Variants in PTPRQ observed in about 807,000 individuals in gnomAD.
PTPRQ encodes the protein protein tyrosine phosphatase receptor type Q, also known as phosphatidylinositol phosphatase PTPRQ.
A neutral mutation model predicts 246.0 loss-of-function variants in PTPRQ; 199 were observed. The observed-to-expected ratio is 0.81, with a 90% CI of 0.72 to 0.91. The LOEUF is 0.91. PTPRQ is among the 40% of genes least tolerant of loss of function. The pLI is 0.00. For synonymous variants in PTPRQ, 869 were observed against 853.2 expected (o/e 1.02, Z -0.32); for missense variants, 2,624 against 2,528.4 (o/e 1.04, Z -0.81).
chr12:80,640,024 A>ATG (rs770149840), intron 35 of PTPRQ, among the ~76,000 whole-genome samples: 5 of 134,180 alleles, frequency 3.7e-5, no homozygotes, highest in Non-Finnish European at 6.3e-5. Flanking sequence ...ATGAAGATAC[A>ATG]CGTGTGTGTG....
intron 43 of PTPRQ, among the ~76,000 whole-genome samples, chr12:80,673,600 T>C (rs532895376): frequency 8.5e-5 from 13 of 152,160 alleles, no homozygotes; most frequent in Middle Eastern, 3.2e-3. Flanking sequence ...TTAGCAACTT[T>C]GGGATATCTG....
At chr12:80,541,978 G>A (rs1896167758) in intron 21 of PTPRQ, 111 bp from the exon 22 acceptor site, 3 of 1,469,504 alleles carry the variant, frequency 2.0e-6, no homozygotes, top group Non-Finnish European at 2.7e-6. Context: ...AATAAACACA[G>A]TGTTTCTTAA....
chr12:80,521,946 C>T (rs536478957), intron 17 of PTPRQ, among the ~76,000 whole-genome samples: 1 of 152,110 alleles, frequency 6.6e-6, no homozygotes, highest in Non-Finnish European at 1.5e-5. Flanking sequence ...CCATAAATTA[C>T]CTTGGGCAGT....
intron 35 of PTPRQ, among the ~76,000 whole-genome samples, chr12:80,635,821 G>T (rs958873102): frequency 1.3e-5 from 2 of 152,052 alleles, no homozygotes; most frequent in Admixed American, 1.3e-4. Context: ...ATTTTTATAA[G>T]ATTCAATAAC....
intron 33 of PTPRQ, among the ~76,000 whole-genome samples, chr12:80,629,417 T>C (rs1899336405): frequency 6.6e-6 from 1 of 152,142 alleles, no homozygotes; most frequent in African/African-American, 2.4e-5. Flanking sequence ...TTAAAGGAAG[T>C]GAAGTGGCTA....
At chr12:80,583,333 G>A (rs1216154939) in intron 25 of PTPRQ, among the ~76,000 whole-genome samples, 1 of 152,120 alleles carries the variant, frequency 6.6e-6, no homozygotes, top group Non-Finnish European at 1.5e-5. Context: ...CTATTTTTGA[G>A]TGATTTTTTT....
rs532428228 is a variant in PTPRQ, at chr12:80,497,700, A to C, written c.2272+1169A>C. ...GTTGTTTATATTGTGTTATAATTAT[A>C]TATTGGTGGCATAACTATTAGGCCA... On this transcript the variant is annotated intron_variant, in intron 14 of 44. Transcript: ENST00000644991. Among the ~76,000 whole-genome samples, 101 of 152,230 alleles carry C rather than the reference A, an allele frequency of 6.6e-4. 2 individuals carry two copies. The highest frequency in any genetic ancestry group is 6.6e-4 in the Non-Finnish European group (45 of 67,982).
chr12:80,577,378 A>C (rs1897303495), intron 25 of PTPRQ, among the ~76,000 whole-genome samples: 1 of 152,090 alleles, frequency 6.6e-6, no homozygotes, highest in Non-Finnish European at 1.5e-5. Context: ...GCCCCTTATA[A>C]AACTATCAGA....
intron 31 of PTPRQ, 70 bp from the exon 32 acceptor site, chr12:80,620,084 A>G (rs1779080040): frequency 2.1e-6 from 3 of 1,448,340 alleles, no homozygotes; most frequent in Middle Eastern, 2.6e-4. Context: ...TTATAAAAAC[A>G]CTATTTATAA....
At chr12:80,657,771 G>T (rs1244982177) in intron 38 of PTPRQ, among the ~76,000 whole-genome samples, 1 of 151,736 alleles carries the variant, frequency 6.6e-6, no homozygotes, top group Non-Finnish European at 1.5e-5. Context: ...TAAAGAATAT[G>T]TATAGAAAAT....
chr12:80,510,449 A>AT lies in PTPRQ; in HGVS notation c.2678+6_2678+7insT. ...TATTACACAGTTTATGTCTGGTAATAATTTTTTTTTTGGAAATAGTTCTGA... is the reference window on the plus strand; with the variant it reads ...TATTACACAGTTTATGTCTGGTAATATATTTTTTTTTTGGAAATAGTTCTGA... On this transcript the variant is annotated splice_region_variant and intron_variant, in intron 17 of 44. Transcript: ENST00000644991. 6.5e-7 allele frequency: 1 copy of AT among 1,534,488 alleles called. No homozygotes were observed. The highest frequency in any genetic ancestry group is 8.8e-7 in the Non-Finnish European group (1 of 1,138,722).
At chr12:80,661,055 T>G (rs1233771929) in intron 39 of PTPRQ, among the ~76,000 whole-genome samples, 1 of 151,724 alleles carries the variant, frequency 6.6e-6, no homozygotes, top group South Asian at 2.1e-4. Flanking sequence ...TATCAATCCT[T>G]CAATATGAAT....
chr12:80,600,020 A>G (rs1196086308), intron 26 of PTPRQ, among the ~76,000 whole-genome samples: 2 of 151,876 alleles, frequency 1.3e-5, no homozygotes, highest in African/African-American at 4.8e-5. Flanking sequence ...AGGCAATTTT[A>G]TCAAGAACTT....
At chr12:80,588,634 T>C (rs1897694929) in intron 26 of PTPRQ, among the ~76,000 whole-genome samples, 182 bp downstream of exon 26, 1 of 152,220 alleles carries the variant, frequency 6.6e-6, no homozygotes, top group Non-Finnish European at 1.5e-5. Flanking sequence ...AGAAATTCAA[T>C]GTTAGTCATT....
chr12:80,465,376 C>G (rs1194118672), intron 6 of PTPRQ: 26 of 152,276 alleles, frequency 1.7e-4, no homozygotes, highest in African/African-American at 5.3e-4. Context: ...GCTTACCAAC[C>G]AAAAAGAGTC....
At chr12:80,677,692 G>A (rs1901190480) in intron 43 of PTPRQ, among the ~76,000 whole-genome samples, 1 of 152,240 alleles carries the variant, frequency 6.6e-6, no homozygotes, top group East Asian at 1.9e-4. Flanking sequence ...AACAATTTCT[G>A]AAGACAATTT....
chr12:80,643,838 G>A (rs10862179), intron 35 of PTPRQ, among the ~76,000 whole-genome samples: 2 of 152,114 alleles, frequency 1.3e-5, no homozygotes, highest in East Asian at 1.9e-4. Flanking sequence ...TATTAATATT[G>A]TACCAGAGAA....
At chr12:80,522,421 GGGCATCCCTGTC>G (rs1281385105) in intron 17 of PTPRQ, among the ~76,000 whole-genome samples, 3 of 152,092 alleles carry the variant, frequency 2.0e-5, no homozygotes, top group Admixed American at 2.0e-4. Context: ...TGGTGAGAGA[GGGCATCCCTGTC>G]TTGTGCCAGT....
intron 39 of PTPRQ, among the ~76,000 whole-genome samples, chr12:80,661,779 A>G (rs1037296363): frequency 6.6e-6 from 1 of 151,838 alleles, no homozygotes; most frequent in African/African-American, 2.4e-5. Flanking sequence ...ACTTTAACAT[A>G]AAAAAATCTG....
Sources: gnomAD v4.1 joint callset for allele counts (sites outside exome capture counted in the v4.1 genomes callset) on GRCh38, gnomAD v4.1.1 for gene constraint, MANE v1.5 for transcripts, NCBI Gene and HGNC (gene_info 2026-07-23, HGNC 2026-07-21) for gene names.